Variants in PRELID2 observed in about 807,000 individuals in gnomAD.
PRELID2 encodes PRELI domain-containing protein 2.
In PRELID2, 25 loss-of-function variants were observed where a neutral mutation model predicts 28.4. The observed-to-expected ratio is 0.88, with a 90% confidence interval of 0.64 to 1.23. The LOEUF (loss-of-function observed/expected upper bound fraction) is 1.23, where lower values mean the gene tolerates loss of function less well. PRELID2 is among the 50% of genes most tolerant of loss of function. The probability of loss-of-function intolerance (pLI) is 0.00; values close to 1 mark genes in which losing one functional copy is unlikely to be tolerated. For missense variants in PRELID2, 201 were observed against 214.4 expected (o/e 0.94, Z 0.39); for synonymous variants, 76 against 71.6 (o/e 1.06, Z -0.31).
At chr5:145,244,564 C>A in the PRELID2 span, among the ~76,000 whole-genome samples, 1 of 152,032 alleles carries the variant, frequency 6.6e-6, no homozygotes, top group Non-Finnish European at 1.5e-5. Context: ...TGAAGACTCA[C>A]TACAGTTTCA....
chr5:145,429,484 G>A, the PRELID2 span, among the ~76,000 whole-genome samples: 1 of 152,154 alleles, frequency 6.6e-6, no homozygotes, highest in Non-Finnish European at 1.5e-5. Context: ...GCCTATTACA[G>A]AGTTAGTGAG....
chr5:145,824,463 T>TGTGTGTGTGTGTGTGTGTGTGTGAGA (rs373555427), intron 1 of PRELID2, among the ~76,000 whole-genome samples: 1 of 143,548 alleles, frequency 7.0e-6, no homozygotes, highest in African/African-American at 2.6e-5. Flanking sequence ...TGTGTGTGTG[T>TGTGTGTGTGTGTGTGTGTGTGTGAGA]GATATTGATT....
At chr5:145,672,406 G>A (rs1236965066) in intron 1 of PRELID2, among the ~76,000 whole-genome samples, 3 of 149,646 alleles carry the variant, frequency 2.0e-5, no homozygotes, top group Admixed American at 6.7e-5. Flanking sequence ...GCCGGCATTC[G>A]CAAAAAGGAT....
At chr5:145,318,831 G>T in the PRELID2 span, among the ~76,000 whole-genome samples, 1 of 152,180 alleles carries the variant, frequency 6.6e-6, no homozygotes, top group African/African-American at 2.4e-5. Context: ...TTCCTGTCTG[G>T]CATCCAGGGA....
At chr5:145,263,446 T>C in the PRELID2 span, among the ~76,000 whole-genome samples, 36,292 of 151,196 alleles carry the variant, frequency 0.24, 5,419 homozygotes, top group Non-Finnish European at 0.32. Context: ...ATAAAACAAG[T>C]CTCAACAAAT....
At chr5:145,799,067 T>C (rs917724052) in intron 4 of PRELID2, among the ~76,000 whole-genome samples, 2 of 149,962 alleles carry the variant, frequency 1.3e-5, no homozygotes, top group African/African-American at 4.9e-5. Flanking sequence ...AGACACATTA[T>C]AGTCAAACTG....
intron 5 of PRELID2, among the ~76,000 whole-genome samples, chr5:145,783,238 T>A (rs147915145): frequency 1.3e-5 from 2 of 152,364 alleles, no homozygotes; most frequent in Non-Finnish European, 2.9e-5. Flanking sequence ...CTTAGCAAAG[T>A]CTGTTACAAC....
At chr5:145,713,178 A>G (rs1755741352) in intron 1 of PRELID2, among the ~76,000 whole-genome samples, 1 of 151,484 alleles carries the variant, frequency 6.6e-6, no homozygotes, top group Admixed American at 6.6e-5. Context: ...TACAGATCCA[A>G]AAAGCTTACC....
the PRELID2 span, among the ~76,000 whole-genome samples, chr5:145,252,472 C>A: frequency 6.6e-6 from 1 of 152,002 alleles, no homozygotes; most frequent in African/African-American, 2.4e-5. Context: ...ATTAAAAATT[C>A]TTCATCCTAG....
the PRELID2 span, among the ~76,000 whole-genome samples, chr5:145,391,692 T>G: frequency 1.7e-3 from 256 of 152,192 alleles, 6 homozygotes; most frequent in East Asian, 0.039. Context: ...TTGTTTTTTT[T>G]TTTTTTCTAT....
chr5:145,409,309 T>C, the PRELID2 span, among the ~76,000 whole-genome samples: 8 of 151,536 alleles, frequency 5.3e-5, no homozygotes, highest in African/African-American at 4.8e-5. Context: ...AATAACACAA[T>C]GGGAAAAAAA....
chr5:145,260,382 C>T, the PRELID2 span, among the ~76,000 whole-genome samples: 1 of 152,144 alleles, frequency 6.6e-6, no homozygotes, highest in African/African-American at 2.4e-5. Flanking sequence ...AAGACTTCAA[C>T]TCCTTTCACA....
intron 5 of PRELID2, among the ~76,000 whole-genome samples, chr5:145,773,758 C>T (rs1477502789): frequency 2.6e-5 from 4 of 152,242 alleles, no homozygotes; most frequent in Non-Finnish European, 5.9e-5. Flanking sequence ...CACTATTCAT[C>T]AGACTTAAGC....
At chr5:145,815,758 A>G (rs1304374421) in intron 4 of PRELID2, among the ~76,000 whole-genome samples, 1 of 152,256 alleles carries the variant, frequency 6.6e-6, no homozygotes, top group Non-Finnish European at 1.5e-5. Context: ...TTTTGTAGCT[A>G]AATAATATTC....
chr5:145,251,841 G>T, the PRELID2 span, among the ~76,000 whole-genome samples: 1 of 151,996 alleles, frequency 6.6e-6, no homozygotes, highest in Non-Finnish European at 1.5e-5. Context: ...CCTGGCCTCT[G>T]CCTAGACAGT....
intron 1 of PRELID2, among the ~76,000 whole-genome samples, chr5:145,554,010 G>T (rs1444899176): frequency 6.6e-6 from 1 of 152,190 alleles, no homozygotes; most frequent in Non-Finnish European, 1.5e-5. Context: ...AGAAAAGAAG[G>T]AAGAGGGCTG....
intron 1 of PRELID2, among the ~76,000 whole-genome samples, chr5:145,709,337 G>A (rs928482404): frequency 3.3e-5 from 5 of 152,166 alleles, no homozygotes; most frequent in Admixed American, 6.5e-5. Context: ...TCTCCCCCAG[G>A]TGATTACACT....
chr5:145,825,253 A>AAG (rs1561654987), intron 1 of PRELID2, among the ~76,000 whole-genome samples: 23 of 143,860 alleles, frequency 1.6e-4, no homozygotes, highest in Non-Finnish European at 2.5e-4. Context: ...AAAAAAAAAA[A>AAG]AAAAAAACTT....
the PRELID2 span, among the ~76,000 whole-genome samples, chr5:145,298,798 A>G: frequency 1.3e-5 from 2 of 152,182 alleles, no homozygotes; most frequent in African/African-American, 4.8e-5. Context: ...GACAATATAC[A>G]TAGTATAGTA....
Sources: gnomAD v4.1 joint callset for allele counts (sites outside exome capture counted in the v4.1 genomes callset) on GRCh38, gnomAD v4.1.1 for gene constraint, MANE v1.5 for transcripts, NCBI Gene and HGNC (gene_info 2026-07-23, HGNC 2026-07-21) for gene names.